Variants in VSTM4 observed in about 807,000 individuals in gnomAD.
The protein encoded by VSTM4 is V-set and transmembrane domain-containing protein 4.
VSTM4 carries 20 observed loss-of-function variants against 36.4 expected under a neutral mutation model. That is an observed-to-expected ratio of 0.55 (90% confidence interval 0.39 to 0.80). VSTM4 has a LOEUF of 0.80. Among genes scored for constraint, VSTM4 ranks in the 30% least tolerant of loss-of-function variants. The pLI is 0.00. For missense variants in VSTM4, 392 were observed against 404.5 expected (o/e 0.97, Z 0.26); for synonymous variants, 182 against 173.9 (o/e 1.05, Z -0.37).
rs562092104 is a variant in VSTM4, at chr10:49,070,538, C to T, written c.635-5802G>A. The stretch of plus-strand genomic sequence containing the variant: ...AAGGGGCACCCCAGGAAGGATGAGC[C>T]CTGCACATGAGAAGGTGCCCCTGCA... On this transcript the variant is annotated intron_variant, in intron 4 of 7. Transcript: ENST00000332853. Among the ~76,000 whole-genome samples the T allele has an allele frequency of 5.3e-5, 8 of 152,292 alleles. No homozygotes were observed. The South Asian group carries it at 1.2e-3, about 24-fold the overall frequency.
At chr10:49,021,316 G>C (rs542788149) in intron 7 of VSTM4, among the ~76,000 whole-genome samples, 1 of 152,102 alleles carries the variant, frequency 6.6e-6, no homozygotes, top group South Asian at 2.1e-4. Context: ...TAGGTGGGGA[G>C]TTTTTTAAAA....
chr10:49,101,016 AAAAC>A (rs1189152241), intron 2 of VSTM4, among the ~76,000 whole-genome samples: 1 of 152,092 alleles, frequency 6.6e-6, no homozygotes, highest in Non-Finnish European at 1.5e-5. Flanking sequence ...CTTATATAAA[AAAAC>A]AGATTCCAAA....
chr10:49,084,334 T>C (rs1373184402), intron 3 of VSTM4, among the ~76,000 whole-genome samples: 1 of 152,216 alleles, frequency 6.6e-6, no homozygotes, highest in African/African-American at 2.4e-5. Context: ...AAAGAATCAC[T>C]GTTGGATTCT....
intron 1 of VSTM4, among the ~76,000 whole-genome samples, chr10:49,111,872 A>C (rs1844900453): frequency 2.0e-5 from 3 of 152,226 alleles, no homozygotes; most frequent in Non-Finnish European, 4.4e-5. Context: ...AAATCATGGC[A>C]AGATCCTGAT....
intron 2 of VSTM4, among the ~76,000 whole-genome samples, chr10:49,091,787 G>C (rs1306130317): frequency 6.6e-6 from 1 of 152,206 alleles, no homozygotes; most frequent in Non-Finnish European, 1.5e-5. Context: ...TCCTGGGAAG[G>C]CTCCATTTTT....
At position 49,102,709 on chromosome 10, in the gene VSTM4, C is replaced by T. The variant is rs77695746; in HGVS notation, c.457+4885G>A. On this transcript the variant is annotated intron_variant, in intron 2 of 7. Coordinates refer to ENST00000332853, the MANE Select transcript of VSTM4 (RefSeq NM_001031746.5). ...GAGGGTGACTACATCCACCAAGTCA[C>T]GCCTACTTCAAAGTCATCCACAGCA... 778 of 985,404 alleles carry T rather than the reference C, an allele frequency of 7.9e-4. 2 individuals are homozygous for T. Among genetic ancestry groups the T allele is most frequent in the Non-Finnish European group, 9.1e-4 (752 of 829,924 alleles). 61.0% of individuals were successfully genotyped at this position (985,404 alleles called of 1,614,324 possible). A position where few individuals can be genotyped will look rare whatever the true frequency, so the allele number is the denominator to read the frequency against.
chr10:49,019,583 T>C lies in VSTM4; in HGVS notation c.*67A>G. ...AGTGAAAATACAGACATAAGGGCTT[T>C]GTCTCCAAGGCTTCATAAATCACTG... is the stretch of plus-strand genomic sequence containing the variant. On this transcript the variant is annotated 3_prime_UTR_variant, in exon 8 of 8. Transcript: ENST00000332853. The C allele has an allele frequency of 6.5e-7, 1 of 1,527,228 alleles. No individual in the cohort carries two copies. The highest frequency in any genetic ancestry group is 1.4e-5 in the African/African-American group (1 of 72,156). The allele number at this position is 1,527,228 out of a possible 1,614,324, so 94.6% of individuals were successfully genotyped here.
chr10:49,105,333 G>C (rs951681405), intron 2 of VSTM4, among the ~76,000 whole-genome samples: 1 of 130,076 alleles, frequency 7.7e-6, no homozygotes, highest in Admixed American at 7.9e-5. Flanking sequence ...GAGAGACGGG[G>C]GGGGGAGAGA....
intron 2 of VSTM4, chr10:49,103,973 A>T (rs1288995874): frequency 1.2e-6 from 1 of 839,190 alleles, no homozygotes; most frequent in Non-Finnish European, 1.9e-6. Flanking sequence ...ACCCAAAGGT[A>T]CGGACCACAG....
At chr10:49,026,425 A>C (rs1843262960) in intron 7 of VSTM4, among the ~76,000 whole-genome samples, 1 of 152,266 alleles carries the variant, frequency 6.6e-6, no homozygotes, top group Non-Finnish European at 1.5e-5. Context: ...AAGGTGCCAT[A>C]TAGATGGGCA....
At chr10:49,047,717 C>A (rs1199431681) in intron 6 of VSTM4, among the ~76,000 whole-genome samples, 2 of 152,204 alleles carry the variant, frequency 1.3e-5, no homozygotes, top group Non-Finnish European at 2.9e-5. Context: ...CACCCTCCAG[C>A]CCTCTTTCCA....
chr10:49,102,388 C>G (rs1478081485), intron 2 of VSTM4: 2 of 983,412 alleles, frequency 2.0e-6, no homozygotes, highest in Non-Finnish European at 2.4e-6. Flanking sequence ...CCCACCTCGG[C>G]CTCCCAAAGT....
At chr10:49,051,716 G>T (rs1181482157) in intron 5 of VSTM4, among the ~76,000 whole-genome samples, 1 of 152,116 alleles carries the variant, frequency 6.6e-6, no homozygotes. Flanking sequence ...TTTCTTTTGG[G>T]CACTGAGTAA....
At chr10:49,048,245 C>G (rs1843643806) in intron 6 of VSTM4, among the ~76,000 whole-genome samples, 1 of 152,238 alleles carries the variant, frequency 6.6e-6, no homozygotes, top group South Asian at 2.1e-4. Flanking sequence ...ATGCTAGGCC[C>G]TTGCTTCCTC....
At chr10:49,073,631 C>A (rs1844121970) in intron 4 of VSTM4, among the ~76,000 whole-genome samples, 1 of 152,226 alleles carries the variant, frequency 6.6e-6, no homozygotes, top group East Asian at 1.9e-4. Flanking sequence ...GGGGAACAAT[C>A]CTGCCCTTCC....
chr10:49,051,142 A>G (rs543385104), intron 5 of VSTM4, among the ~76,000 whole-genome samples: 23 of 152,316 alleles, frequency 1.5e-4, no homozygotes, highest in African/African-American at 5.5e-4. Flanking sequence ...ACTGGCATGA[A>G]CCCAGCATCA....
chr10:49,091,589 C>G (rs1844475653), intron 2 of VSTM4, among the ~76,000 whole-genome samples: 1 of 152,158 alleles, frequency 6.6e-6, no homozygotes, highest in South Asian at 2.1e-4. Flanking sequence ...GGAAAGAACA[C>G]CCTGCCAACT....
chr10:49,095,059 A>G (rs911999442), intron 2 of VSTM4, among the ~76,000 whole-genome samples: 4 of 152,126 alleles, frequency 2.6e-5, no homozygotes, highest in African/African-American at 9.7e-5. Flanking sequence ...CAGCAAACCA[A>G]GCAAAAGGGC....
intron 4 of VSTM4, among the ~76,000 whole-genome samples, chr10:49,072,597 C>T (rs866335077): frequency 6.6e-6 from 1 of 152,174 alleles, no homozygotes; most frequent in African/African-American, 2.4e-5. Flanking sequence ...AAGTCTGGCC[C>T]GTCCTCACAA....
Sources: gnomAD v4.1 joint callset for allele counts (sites outside exome capture counted in the v4.1 genomes callset) on GRCh38, gnomAD v4.1.1 for gene constraint, MANE v1.5 for transcripts, NCBI Gene and HGNC (gene_info 2026-07-23, HGNC 2026-07-21) for gene names.